FBRSL1: variants seen among roughly 807,000 people sequenced by gnomAD.
FBRSL1 encodes fibrosin-1-like protein.
A neutral mutation model predicts 89.6 loss-of-function variants in FBRSL1; 51 were observed. The observed-to-expected ratio is 0.57, with a 90% confidence interval of 0.45 to 0.72. The LOEUF (loss-of-function observed/expected upper bound fraction) is 0.72. FBRSL1 is among the 30% of genes least tolerant of loss of function. FBRSL1 has a pLI of 0.00. For synonymous variants in FBRSL1, 779 were observed against 681.1 expected, an observed-to-expected ratio of 1.14 and a Z score of -2.24; for missense variants, 1,618 against 1,451.8, an observed-to-expected ratio of 1.11 and a Z score of -1.86.
At chr12:132,547,978 C>G (rs1207029497) in intron 4 of FBRSL1, 25 bp from the exon 5 acceptor site, 1 of 1,549,684 alleles carries the variant, frequency 6.5e-7, no homozygotes, top group Non-Finnish European at 8.7e-7. Flanking sequence ...GGCCCCGACT[C>G]ACTTCTGTCT....
chr12:132,507,123 G>A, intron 1 of FBRSL1: 1 of 870,112 alleles, frequency 1.1e-6, no homozygotes, highest in South Asian at 5.2e-5. Context: ...CTATGCGGGG[G>A]CGGGTCCTCC....
At chr12:132,524,933 A>G (rs1168000555) in intron 2 of FBRSL1, among the ~76,000 whole-genome samples, 2 of 152,206 alleles carry the variant, frequency 1.3e-5, no homozygotes, top group African/African-American at 4.8e-5. Flanking sequence ...CATCCGTGAA[A>G]TGTAAAGGAA....
intron 11 of FBRSL1, among the ~76,000 whole-genome samples, chr12:132,573,329 ACCCCTGGGCT>A (rs2040168769): frequency 6.6e-6 from 1 of 152,164 alleles, no homozygotes; most frequent in African/African-American, 2.4e-5. Flanking sequence ...CCCAGCACGC[ACCCCTGGGCT>A]CCCCTGGGGC....
In FBRSL1 at chr12:132,497,703, C is replaced by T. The variant is rs529442694; in HGVS notation, c.291+6842C>T. ...GCTCTGGGCCTCGGGACCCCTAGGG[C>T]GCCGCCTCACACCTGCTGAGGCAAC... On this transcript the variant is annotated intron_variant, in intron 1 of 18. Coordinates refer to ENST00000680143, the MANE Select transcript of FBRSL1 (RefSeq NM_001367871.1). 2.0e-5 allele frequency among the ~76,000 whole-genome samples: 3 copies of T among 152,282 alleles called. No individual in the cohort carries two copies. In the East Asian group the frequency reaches 5.8e-4, roughly 30 times the overall value.
At chr12:132,512,305 C>T (rs1200455782) in intron 2 of FBRSL1, among the ~76,000 whole-genome samples, 1 of 152,260 alleles carries the variant, frequency 6.6e-6, no homozygotes, top group African/African-American at 2.4e-5. Context: ...TCAGAGTCCT[C>T]TGCATGGCCT....
chr12:132,583,457 G>C lies in FBRSL1; in HGVS notation c.2688G>C (p.Glu896Asp). 2 of 1,062,646 alleles carry C rather than the reference G, an allele frequency of 1.9e-6. No individual in the cohort carries two copies. Among genetic ancestry groups the C allele is most frequent in the Non-Finnish European group, 2.3e-6 (2 of 878,320 alleles). The allele number at this position is 1,062,646 out of a possible 1,614,324, so 65.8% of individuals were successfully genotyped here. A position where few individuals can be genotyped will look rare whatever the true frequency, so the allele number is the denominator to read the frequency against. ...RDREPHGYSP[E>D]RLRGELERAR... ...GCGAGCCCCACGGCTACAGCCCCGA[G>C]CGCCTGCGCGGGGAGCTGGAGCGCG... The change falls in exon 19 of 19, where the codon GAG becomes GAC. Residue 896 changes from glutamate to aspartate, a missense_variant. Physicochemically the swap from Glu to Asp is conservative, Grantham distance 45. Coordinates refer to ENST00000680143, the MANE Select transcript of FBRSL1 (RefSeq NM_001367871.1).
intron 14 of FBRSL1, 114 bp downstream of exon 14, chr12:132,574,678 C>A: frequency 3.8e-6 from 5 of 1,318,282 alleles, no homozygotes; most frequent in Non-Finnish European, 5.1e-6. Context: ...CGGGTGTGAT[C>A]CTCACGCGTG....
In FBRSL1 at chr12:132,546,318, C is replaced by T. The variant is rs1487615174; in HGVS notation, c.616-1685C>T. Among the ~76,000 whole-genome samples the T allele has an allele frequency of 3.3e-5, 5 of 152,264 alleles. No homozygotes were observed. In the East Asian group the frequency reaches 7.7e-4, roughly 23 times the overall value. On this transcript the variant is annotated intron_variant, in intron 4 of 18. Transcript: ENST00000680143. The surrounding 1 kb of genome is among the most constrained non-coding windows in gnomAD (Gnocchi z 4.0). ...CATGTCGGGGTCCTGTGGCCCAGCC[C>T]TTGGTGAGCTCCGCACCTGCAGCCT...
chr12:132,578,530 C>T (rs57099929), intron 15 of FBRSL1, among the ~76,000 whole-genome samples: 5,356 of 152,202 alleles, frequency 0.035, 217 homozygotes, highest in East Asian at 0.14. Flanking sequence ...GTGGCCCGCA[C>T]AGTTCAAACC....
chr12:132,496,945 T>C (rs946135200), intron 1 of FBRSL1, among the ~76,000 whole-genome samples: 3 of 152,226 alleles, frequency 2.0e-5, no homozygotes, highest in Non-Finnish European at 4.4e-5. Flanking sequence ...TCCCAGGCCC[T>C]GCGGTGTCCT....
intron 4 of FBRSL1, among the ~76,000 whole-genome samples, chr12:132,534,448 C>T (rs115678938): frequency 6.6e-6 from 1 of 152,370 alleles, no homozygotes; most frequent in African/African-American, 2.4e-5. Context: ...TCAGCTGCAC[C>T]TGTCGCACCC....
rs1420336153 is a variant in FBRSL1, at chr12:132,581,517, G to A, written c.1912+1G>A. 7 of 1,550,976 alleles carry A rather than the reference G, an allele frequency of 4.5e-6. No homozygotes were observed. The highest frequency in any genetic ancestry group is 6.1e-6 in the Non-Finnish European group (7 of 1,146,890). On this transcript the variant is annotated splice_donor_variant, in intron 16 of 18. Coordinates refer to ENST00000680143, the MANE Select transcript of FBRSL1 (RefSeq NM_001367871.1). LOFTEE classifies it high-confidence loss of function. ...TTCCTGCCCACTGGCCCCCTGACAG[G>A]TGGGTGTCTCTGAATTCAGCCCACG...
chr12:132,561,595 G>A (rs961538434), intron 5 of FBRSL1, among the ~76,000 whole-genome samples: 1 of 151,976 alleles, frequency 6.6e-6, no homozygotes, highest in Admixed American at 6.5e-5. Context: ...CTCAGCACCC[G>A]CCTCCTTCCT....
rs1266633632 is a variant in FBRSL1 at position 132,550,949 on chromosome 12, C to G, written c.645+2917C>G. On this transcript the variant is annotated intron_variant, in intron 5 of 18. Coordinates refer to ENST00000680143, the MANE Select transcript of FBRSL1 (RefSeq NM_001367871.1). The stretch of plus-strand genomic sequence containing the variant: ...GCGGAGGGTGTGCGTGGAGCCCATC[C>G]AGACGCACACAGAGGCGTAGGCAGG... 3.1e-4 allele frequency: 63 copies of G among 204,560 alleles called. 1 individual carries two copies. The Admixed American group carries it at 3.2e-3, about 11-fold the overall frequency. The allele number at this position is 204,560 out of a possible 1,614,324, so 12.7% of individuals were successfully genotyped here.
rs1416946262 is a variant in FBRSL1, at chr12:132,558,513, ACAG to A, written c.646-8964_646-8962del. Among the ~76,000 whole-genome samples, 4 of 152,340 alleles carry A rather than the reference ACAG, an allele frequency of 2.6e-5. No homozygotes were observed. The East Asian group carries it at 7.7e-4, about 29-fold the overall frequency. ...GCGCGTGCCGTTTTCATGGCAGGAA[ACAG>A]CAGGGCTTTGGGGGCGACTTGTTGG... On this transcript the variant is annotated intron_variant, in intron 5 of 18. Coordinates refer to ENST00000680143, the MANE Select transcript of FBRSL1 (RefSeq NM_001367871.1).
chr12:132,574,425 G>A, intron 13 of FBRSL1, 68 bp from the exon 14 acceptor site: 1 of 1,548,222 alleles, frequency 6.5e-7, no homozygotes, highest in East Asian at 2.4e-5. Context: ...GCCCGTGACA[G>A]CAGGAGTCTG....
At chr12:132,508,978 C>T (rs1484174935) in intron 2 of FBRSL1, among the ~76,000 whole-genome samples, 5 of 152,308 alleles carry the variant, frequency 3.3e-5, no homozygotes, top group Admixed American at 2.0e-4. Flanking sequence ...CTGCTTCCTC[C>T]GCGGGGGTCC....
chr12:132,490,933 C>A, intron 1 of FBRSL1, 72 bp downstream of exon 1: 1 of 1,094,134 alleles, frequency 9.1e-7, no homozygotes, highest in Non-Finnish European at 1.1e-6. Context: ...TCGGGCGATC[C>A]CGGGACCCCT....
At chr12:132,520,065 C>T (rs950273995) in intron 2 of FBRSL1, among the ~76,000 whole-genome samples, 3 of 151,740 alleles carry the variant, frequency 2.0e-5, no homozygotes, top group African/African-American at 7.3e-5. Flanking sequence ...TCCTCGCACT[C>T]CTCCAGCACC....
Sources: allele counts gnomAD v4.1 joint callset (sites outside exome capture counted in the v4.1 genomes callset), GRCh38; gene constraint gnomAD v4.1.1; non-coding constraint Gnocchi (gnomAD v3.1); transcripts MANE v1.5; gene names NCBI Gene and HGNC (gene_info 2026-07-23, HGNC 2026-07-21).